Variants in PHC3 observed in about 807,000 individuals in gnomAD.
PHC3 encodes polyhomeotic homolog 3.
PHC3 carries 13 observed loss-of-function variants against 107.4 expected under a neutral mutation model. The observed-to-expected ratio is 0.12, with a 90% confidence interval of 0.08 to 0.19. The LOEUF (loss-of-function observed/expected upper bound fraction) is 0.19, where lower values mean the gene tolerates loss of function less well. Among genes scored for constraint, PHC3 ranks in the 10% least tolerant of loss-of-function variants. PHC3 has a pLI of 1.00. For missense variants in PHC3, 992 were observed against 1,210.9 expected (o/e 0.82, Z 2.68); for synonymous variants, 456 against 427.4 (o/e 1.07, Z -0.83).
chr3:170,098,873 T>C (rs1715013169), intron 14 of PHC3, among the ~76,000 whole-genome samples: 1 of 152,182 alleles, frequency 6.6e-6, no homozygotes, highest in Non-Finnish European at 1.5e-5. Flanking sequence ...TAAAAGAAAC[T>C]ATAGTTGAAA....
At chr3:170,121,663 T>G (rs1210314422) in intron 9 of PHC3, among the ~76,000 whole-genome samples, 8 of 152,066 alleles carry the variant, frequency 5.3e-5, no homozygotes, top group Non-Finnish European at 7.4e-5. Flanking sequence ...GAAGTCCAGG[T>G]AAGAATTTTT....
intron 4 of PHC3, chr3:170,170,777 C>G (rs1003705985): frequency 1.3e-5 from 2 of 151,916 alleles, no homozygotes; most frequent in Non-Finnish European, 2.9e-5. Context: ...TAAAATTATA[C>G]CAAAATTAAA....
chr3:170,097,929 T>C lies in PHC3; in HGVS notation c.2834-545A>G, dbSNP rs2108249430. Among the ~76,000 whole-genome samples, 1 of 152,312 alleles carries C rather than the reference T, an allele frequency of 6.6e-6. No homozygotes were observed. Among genetic ancestry groups the C allele is most frequent in the South Asian group, 2.1e-4 (1 of 4,830 alleles). On this transcript the variant is annotated intron_variant, in intron 14 of 14. Coordinates refer to ENST00000495893, the MANE Select transcript of PHC3 (RefSeq NM_024947.4). The surrounding 1 kb of genome is among the most constrained non-coding windows in gnomAD (Gnocchi z 4.1). ...CATTTAAAATATTTTTATTGTTCACTCGGGACATATCAAATTTCTCAAGAC... is the reference window on the plus strand; with the variant it reads ...CATTTAAAATATTTTTATTGTTCACCCGGGACATATCAAATTTCTCAAGAC...
chr3:170,126,528 A>ATATATTTTTT (rs370421296), intron 8 of PHC3, among the ~76,000 whole-genome samples: 10 of 90,636 alleles, frequency 1.1e-4, no homozygotes, highest in African/African-American at 4.0e-4. Flanking sequence ...ATATATATAT[A>ATATATTTTTT]TTTTTTTTTT....
rs1714104263 is a variant in PHC3 at position 170,091,707 on chromosome 3, A to C, written c.*5523T>G. On this transcript the variant is annotated 3_prime_UTR_variant, in exon 15 of 15. Transcript: ENST00000495893. Reference sequence around the variant, plus strand: ...ATGTTTTCTAAATTGAAAGTTTAGAAAAAGCCATATTCTCTGGAATGTGAT... The same window carrying C: ...ATGTTTTCTAAATTGAAAGTTTAGACAAAGCCATATTCTCTGGAATGTGAT... 1 of 152,208 alleles carries C rather than the reference A, an allele frequency of 6.6e-6. No individual in the cohort carries two copies. Among genetic ancestry groups the C allele is most frequent in the Admixed American group, 6.5e-5 (1 of 15,268 alleles). 9.4% of individuals were successfully genotyped at this position (152,208 alleles called of 1,614,324 possible).
intron 14 of PHC3, chr3:170,102,179 T>A (rs1715600813): frequency 1.0e-6 from 1 of 985,372 alleles, no homozygotes; most frequent in Non-Finnish European, 1.2e-6. Context: ...TCTACTGACC[T>A]CTCGAGAGAA....
At chr3:170,173,414 C>T (rs138509026) in intron 2 of PHC3, among the ~76,000 whole-genome samples, 1,856 of 152,172 alleles carry the variant, frequency 0.012, 40 homozygotes, top group African/African-American at 0.042. Flanking sequence ...TTCAAGTTGG[C>T]ATAACCTTTT....
rs1191230380 is a variant in PHC3 at position 170,094,235 on chromosome 3, T to A, written c.*2995A>T. ...AAGCTGCATAGCTGTGTCTTACACATGCCTACACAAGGCTTGATGAATATT... is the reference window on the plus strand; with the variant it reads ...AAGCTGCATAGCTGTGTCTTACACAAGCCTACACAAGGCTTGATGAATATT... On this transcript the variant is annotated 3_prime_UTR_variant, in exon 15 of 15. Coordinates refer to ENST00000495893, the MANE Select transcript of PHC3 (RefSeq NM_024947.4). 1.3e-5 allele frequency: 2 copies of A among 152,226 alleles called. No individual in the cohort carries two copies. Among genetic ancestry groups the A allele is most frequent in the Non-Finnish European group, 2.9e-5 (2 of 68,030 alleles). The allele number at this position is 152,226 out of a possible 1,614,324, so 9.4% of individuals were successfully genotyped here.
At chr3:170,147,514 A>C (rs529579650) in intron 5 of PHC3, 1 of 152,344 alleles carries the variant, frequency 6.6e-6, no homozygotes, top group East Asian at 1.9e-4. Context: ...TCATTTAAAA[A>C]AAATAGCTGC....
chr3:170,121,900 T>C (rs148321466), intron 9 of PHC3, among the ~76,000 whole-genome samples: 118 of 152,318 alleles, frequency 7.7e-4, no homozygotes, highest in Non-Finnish European at 1.3e-3. Flanking sequence ...CCTGAAATGA[T>C]AGGTTTTCAT....
chr3:170,139,978 T>C (rs1204715431), intron 6 of PHC3, among the ~76,000 whole-genome samples: 1 of 152,026 alleles, frequency 6.6e-6, no homozygotes. Context: ...GCCTGAGTTA[T>C]TTTTGCTAAT....
Position 170,171,390 on chromosome 3 carries a change from T to G in PHC3, c.397A>C (p.Ser133Arg). Residue 133 changes from serine to arginine, a missense_variant, in exon 4 of 15, where the codon AGT (serine) becomes CGT (arginine). Around this residue, in one of 6 missense-constraint regions of PHC3, gnomAD observed 161 missense variants for 183.7 expected, o/e 0.88. Transcript: ENST00000495893. ...GAACTTACAGACGTTTGGGACATAC[T>G]TGACTGCTGTGTGACACTTCCTGTG... is the stretch of plus-strand genomic sequence containing the variant. ...SPTGSVTQQS[S>R]MSQTSINLST... 1 of 1,606,586 alleles carries G rather than the reference T, an allele frequency of 6.2e-7. No homozygotes were observed. The highest frequency in any genetic ancestry group is 8.5e-7 in the Non-Finnish European group (1 of 1,177,224).
At chr3:170,112,729 G>C (rs1430892727) in intron 11 of PHC3, among the ~76,000 whole-genome samples, 2 of 152,014 alleles carry the variant, frequency 1.3e-5, no homozygotes, top group Non-Finnish European at 2.9e-5. Flanking sequence ...TCACCATGTT[G>C]GTCAGGCTGG....
chr3:170,164,365 T>C (rs946848903), intron 4 of PHC3, among the ~76,000 whole-genome samples: 6 of 152,172 alleles, frequency 3.9e-5, no homozygotes, highest in Admixed American at 3.9e-4. Flanking sequence ...AATATAAAAA[T>C]TAACAAAATA....
Position 170,095,547 on chromosome 3 carries a change from T to G in PHC3, c.*1683A>C, listed in dbSNP as rs920405138. The G allele has an allele frequency of 2.0e-5, 3 of 152,166 alleles. No homozygotes were observed. Among genetic ancestry groups the G allele is most frequent in the African/African-American group, 7.2e-5 (3 of 41,444 alleles). The allele number at this position is 152,166 out of a possible 1,614,324, so 9.4% of individuals were successfully genotyped here. A position where few individuals can be genotyped will look rare whatever the true frequency, so the allele number is the denominator to read the frequency against. ...ATGTCTTCAGTGACATCTTTAGTCT[T>G]CTACCAGCTCAACACAATCTTTTTG... On this transcript the variant is annotated 3_prime_UTR_variant, in exon 15 of 15. Coordinates refer to ENST00000495893, the MANE Select transcript of PHC3 (RefSeq NM_024947.4).
rs942746044 is a variant in PHC3 at position 170,115,288 on chromosome 3, T to A, written c.2194-1769A>T. ...TTCAAAATGTTTCCAATACTATTAA[T>A]AATGAGAAAATACTCAAATTTCCTC... is the stretch of plus-strand genomic sequence containing the variant. On this transcript the variant is annotated intron_variant, in intron 10 of 14. Coordinates refer to ENST00000495893, the MANE Select transcript of PHC3 (RefSeq NM_024947.4). Among the ~76,000 whole-genome samples the A allele has an allele frequency of 2.0e-5, 3 of 151,932 alleles. No individual in the cohort carries two copies. In the East Asian group the frequency reaches 5.8e-4, roughly 29 times the overall value.
chr3:170,143,993 T>C lies in PHC3; in HGVS notation c.672+1430A>G, dbSNP rs73032519. Among the ~76,000 whole-genome samples, 1,205 of 151,954 alleles carry C rather than the reference T, an allele frequency of 7.9e-3. 13 individuals are homozygous for C. Among genetic ancestry groups the C allele is most frequent in the African/African-American group, 0.027 (1,109 of 41,490 alleles). On this transcript the variant is annotated intron_variant, in intron 6 of 14. Coordinates refer to ENST00000495893, the MANE Select transcript of PHC3 (RefSeq NM_024947.4). ...GGTTCTTTTGCTAAACATCATGTTTTTTAAGATTCATCAGTATTTCTGAGC... is the reference window on the plus strand; with the variant it reads ...GGTTCTTTTGCTAAACATCATGTTTCTTAAGATTCATCAGTATTTCTGAGC...
chr3:170,172,814 T>C (rs1347835965), intron 2 of PHC3, 102 bp from the exon 3 acceptor site: 1 of 1,135,020 alleles, frequency 8.8e-7, no homozygotes, highest in East Asian at 2.4e-5. Flanking sequence ...TTTCACTGCT[T>C]TAATACATAA....
At chr3:170,113,030 TAA>T (rs1186256534) in intron 11 of PHC3, among the ~76,000 whole-genome samples, 1 of 152,184 alleles carries the variant, frequency 6.6e-6, no homozygotes. Context: ...ATTTGTTACT[TAA>T]GTCTGCTTTA....
Sources: allele counts gnomAD v4.1 joint callset (sites outside exome capture counted in the v4.1 genomes callset), GRCh38; gene constraint gnomAD v4.1.1; regional missense constraint gnomAD v4.1.1; non-coding constraint Gnocchi (gnomAD v3.1); transcripts MANE v1.5; gene names NCBI Gene and HGNC (gene_info 2026-07-23, HGNC 2026-07-21).